Variants in GGPS1 observed in about 807,000 individuals in gnomAD.
The protein encoded by GGPS1 is geranylgeranyl diphosphate synthase 1.
In GGPS1, 15 loss-of-function variants were observed where a neutral mutation model predicts 28.1. The observed-to-expected ratio is 0.53, with a 90% CI of 0.36 to 0.82. GGPS1 has a LOEUF of 0.82. GGPS1 is among the 40% of genes least tolerant of loss of function. GGPS1 has a pLI of 0.01. For synonymous variants in GGPS1, 138 were observed against 122.4 expected (o/e 1.13, Z -0.84); for missense variants, 284 against 348.3 (o/e 0.82, Z 1.47).
At chr1:235,341,661 T>A (rs1572275031) in intron 2 of GGPS1, 47 bp from the exon 3 acceptor site, 1 of 1,028,068 alleles carries the variant, frequency 9.7e-7, no homozygotes, top group Non-Finnish European at 1.5e-6. Flanking sequence ...AAAATACTCA[T>A]AATTAAAACA....
intron 1 of GGPS1, chr1:235,330,731 T>C (rs1329967351): frequency 6.6e-6 from 1 of 152,232 alleles, no homozygotes; most frequent in Non-Finnish European, 1.5e-5. Context: ...CTCTGATTTC[T>C]GTGCAACAGG....
intron 1 of GGPS1, among the ~76,000 whole-genome samples, chr1:235,334,206 A>G (rs1357295432): frequency 6.6e-6 from 1 of 151,158 alleles, no homozygotes; most frequent in African/African-American, 2.5e-5. Context: ...TTAAATACAT[A>G]AAACATACTC....
At chr1:235,339,824 C>A in intron 2 of GGPS1, among the ~76,000 whole-genome samples, 1 of 151,878 alleles carries the variant, frequency 6.6e-6, no homozygotes, top group East Asian at 1.9e-4. Flanking sequence ...TTCCTGAAAC[C>A]TTATCTAAAA....
rs752393900 is a variant in GGPS1, at chr1:235,342,034, G to T, written c.165G>T (p.Met55Ile). ...AGATTATTATTGAAGTGACAGAAAT[G>T]TTGCATAATGCCAGTTTACTCATCG... ...KLQIIIEVTE[M>I]LHNASLLIDD... Residue 55 changes from methionine (M) to isoleucine (I), a missense_variant, in exon 4 of 4, where the codon ATG becomes ATT. Met to Ile is a conservative substitution (Grantham distance 10, BLOSUM62 1). Transcript: ENST00000282841. 5 of 1,588,998 alleles carry T rather than the reference G, an allele frequency of 3.1e-6. No individual in the cohort carries two copies. Among genetic ancestry groups the T allele is most frequent in the Non-Finnish European group, 2.6e-6 (3 of 1,167,498 alleles).
At chr1:235,337,890 A>G (rs1675915961) in intron 2 of GGPS1, among the ~76,000 whole-genome samples, 1 of 150,972 alleles carries the variant, frequency 6.6e-6, no homozygotes, top group South Asian at 2.1e-4. Flanking sequence ...ACTTGCTGTC[A>G]TCTTATGTTT....
At position 235,335,273 on chromosome 1, in the gene GGPS1, G is replaced by C. The variant is rs558003753; in HGVS notation, c.9G>C (p.Lys3Asn). The C allele has an allele frequency of 6.6e-7, 1 of 1,520,730 alleles. No individual in the cohort carries two copies. The highest frequency in any genetic ancestry group is 1.7e-5 in the Admixed American group (1 of 58,032). 94.2% of individuals were successfully genotyped at this position (1,520,730 alleles called of 1,614,324 possible). Reference sequence around the variant, plus strand: ...TTTGAAGTTTAAATCCAATGGAGAAGACTCAAGAAACAGTCCAAAGAATTC... The same window carrying C: ...TTTGAAGTTTAAATCCAATGGAGAACACTCAAGAAACAGTCCAAAGAATTC... ME[K>N]TQETVQRILL... The change falls in exon 2 of 4, where the codon AAG becomes AAC. Residue 3 changes from lysine (K) to asparagine (N), a missense_variant. Physicochemically the swap from Lys to Asn is moderately conservative, Grantham distance 94. Transcript: ENST00000282841.
intron 2 of GGPS1, among the ~76,000 whole-genome samples, chr1:235,337,715 G>A (rs190483209): frequency 6.6e-6 from 1 of 151,924 alleles, no homozygotes; most frequent in African/African-American, 2.4e-5. Context: ...TGTAGTCCCA[G>A]CTGAGGCACG....
At chr1:235,340,965 A>C (rs1260112308) in intron 2 of GGPS1, among the ~76,000 whole-genome samples, 1 of 152,166 alleles carries the variant, frequency 6.6e-6, no homozygotes, top group Non-Finnish European at 1.5e-5. Context: ...TTTATGAGGT[A>C]ATAGTAAAAT....
At chr1:235,333,910 C>A (rs1019307838) in intron 1 of GGPS1, among the ~76,000 whole-genome samples, 3 of 152,190 alleles carry the variant, frequency 2.0e-5, no homozygotes, top group Admixed American at 2.0e-4. Flanking sequence ...ATAAACTTCC[C>A]AAAATGTGCC....
rs182060359 is a variant in GGPS1 at position 235,336,238 on chromosome 1, A to C, written c.70+904A>C. The stretch of plus-strand genomic sequence containing the variant: ...AAACCCCGTCTCTACTAAAAACACA[A>C]AAGTTAGCTGGGCATGGTGGCGCAT... On this transcript the variant is annotated intron_variant, in intron 2 of 3. Coordinates refer to ENST00000282841, the MANE Select transcript of GGPS1 (RefSeq NM_004837.4). Among the ~76,000 whole-genome samples the C allele has an allele frequency of 1.8e-4, 27 of 152,270 alleles. No individual in the cohort carries two copies. The East Asian group carries it at 5.2e-3, about 29-fold the overall frequency.
At position 235,335,383 on chromosome 1, in the gene GGPS1, G is replaced by T. The variant is rs762938974; in HGVS notation, c.70+49G>T. 1.2e-5 allele frequency: 10 copies of T among 847,418 alleles called. No homozygotes were observed. The African/African-American group carries it at 1.7e-4, about 14-fold the overall frequency. 52.5% of individuals were successfully genotyped at this position (847,418 alleles called of 1,614,324 possible). On this transcript the variant is annotated intron_variant, in intron 2 of 3. Coordinates refer to ENST00000282841, the MANE Select transcript of GGPS1 (RefSeq NM_004837.4). ...ATAGGGTCATTTTCATGCAGTAGTG[G>T]TCGTTCAAATGTTAGCAAATAGAAA...
chr1:235,340,176 G>A (rs1211646621), intron 2 of GGPS1, among the ~76,000 whole-genome samples: 4 of 152,114 alleles, frequency 2.6e-5, no homozygotes, highest in Admixed American at 6.6e-5. Flanking sequence ...TTCCGTGTAA[G>A]AAAAAGATGA....
In GGPS1 at chr1:235,335,353, T is replaced by A; in HGVS notation, c.70+19T>A. ...TTACCAGGTAATACTTCACTTACAG[T>A]CCATATAGGGTCATTTTCATGCAGT... On this transcript the variant is annotated intron_variant, in intron 2 of 3. Transcript: ENST00000282841. 2 of 1,159,146 alleles carry A rather than the reference T, an allele frequency of 1.7e-6. No individual in the cohort carries two copies. The highest frequency in any genetic ancestry group is 2.6e-6 in the Non-Finnish European group (2 of 773,920). 71.8% of individuals were successfully genotyped at this position (1,159,146 alleles called of 1,614,324 possible). A position where few individuals can be genotyped will look rare whatever the true frequency, so the allele number is the denominator to read the frequency against.
chr1:235,339,169 C>T (rs554741342), intron 2 of GGPS1, among the ~76,000 whole-genome samples: 1 of 151,952 alleles, frequency 6.6e-6, no homozygotes, highest in African/African-American at 2.4e-5. Flanking sequence ...TTTAGTGGCG[C>T]ACGACTGTAA....
At chr1:235,337,773 C>T (rs530622235) in intron 2 of GGPS1, among the ~76,000 whole-genome samples, 14 of 151,474 alleles carry the variant, frequency 9.2e-5, no homozygotes, top group South Asian at 4.2e-4. Flanking sequence ...GCCGAGATCA[C>T]GCCACTGCAC....
In GGPS1 at chr1:235,343,809, CT is replaced by C. The variant is rs1391451139; in HGVS notation, c.*1040del. On this transcript the variant is annotated 3_prime_UTR_variant, in exon 4 of 4. Coordinates refer to ENST00000282841, the MANE Select transcript of GGPS1 (RefSeq NM_004837.4). ...AGTATGGGATATTTTAGAAGGGAGC[CT>C]TTGAACCTTATTATATTTCCCCATC... 1 of 166,750 alleles carries C rather than the reference CT, an allele frequency of 6.0e-6. No homozygotes were observed. Among genetic ancestry groups the C allele is most frequent in the Non-Finnish European group, 1.5e-5 (1 of 68,060 alleles). 10.3% of individuals were successfully genotyped at this position (166,750 alleles called of 1,614,324 possible).
chr1:235,340,723 G>A (rs1346172971), intron 2 of GGPS1, among the ~76,000 whole-genome samples: 9 of 99,350 alleles, frequency 9.1e-5, no homozygotes, highest in East Asian at 3.0e-4. Flanking sequence ...GCGACAGAGC[G>A]AGACTCCGTC....
chr1:235,335,288 C>T lies in GGPS1; in HGVS notation c.24C>T (p.Val8=). 6.4e-7 allele frequency: 1 copy of T among 1,557,772 alleles called. No homozygotes were observed. Among genetic ancestry groups the T allele is most frequent in the East Asian group, 2.2e-5 (1 of 44,554 alleles). The part of the protein sequence containing the change: MEKTQET[V]QRILLEPYKY... ...CAATGGAGAAGACTCAAGAAACAGT[C>T]CAAAGAATTCTTCTAGAACCCTATA... Residue 8 remains valine (V), a synonymous_variant, in exon 2 of 4, where the codon GTC becomes GTT. Coordinates refer to ENST00000282841, the MANE Select transcript of GGPS1 (RefSeq NM_004837.4).
In GGPS1 at chr1:235,343,040, T is replaced by A; in HGVS notation, c.*268T>A. 1 of 284,946 alleles carries A rather than the reference T, an allele frequency of 3.5e-6. No homozygotes were observed. Among genetic ancestry groups the A allele is most frequent in the Middle Eastern group, 1.2e-3 (1 of 832 alleles). The allele number at this position is 284,946 out of a possible 1,614,324, so 17.7% of individuals were successfully genotyped here. A position where few individuals can be genotyped will look rare whatever the true frequency, so the allele number is the denominator to read the frequency against. ...TGACAGGACATTGCCACCAACTCTA[T>A]CCTACTACCATCAATGTTGTGTTTA... is the stretch of plus-strand genomic sequence containing the variant. On this transcript the variant is annotated 3_prime_UTR_variant, in exon 4 of 4. Transcript: ENST00000282841.
Sources: allele counts gnomAD v4.1 joint callset (sites outside exome capture counted in the v4.1 genomes callset), GRCh38; gene constraint gnomAD v4.1.1; transcripts MANE v1.5; gene names NCBI Gene and HGNC (gene_info 2026-07-23, HGNC 2026-07-21).